Variants in SRRM4 observed in about 807,000 individuals in gnomAD.
SRRM4 encodes serine/arginine repetitive matrix protein 4.
Under a neutral mutation model 68.9 loss-of-function variants are expected in SRRM4, and 33 were observed. The ratio of observed to expected loss-of-function variants is 0.48; its 90% CI spans 0.36 to 0.64. The LOEUF (loss-of-function observed/expected upper bound fraction) is 0.64. Among genes scored for constraint, SRRM4 ranks in the 30% least tolerant of loss-of-function variants. SRRM4 has a pLI of 0.00. For synonymous variants in SRRM4, 318 were observed against 318.8 expected, an observed-to-expected ratio of 1.00 and a Z score of 0.03; for missense variants, 817 against 827.1, an observed-to-expected ratio of 0.99 and a Z score of 0.15.
At chr12:119,038,004 T>C (rs1023214504) in intron 1 of SRRM4, among the ~76,000 whole-genome samples, 2 of 152,090 alleles carry the variant, frequency 1.3e-5, no homozygotes, top group African/African-American at 4.8e-5. Flanking sequence ...ATAATGCTAT[T>C]ATATCTATTT....
At chr12:119,069,633 G>A (rs1481565192) in intron 1 of SRRM4, 1 of 152,102 alleles carries the variant, frequency 6.6e-6, no homozygotes, top group Non-Finnish European at 1.5e-5. Context: ...GAAATTCCTG[G>A]AGCACCCTCA....
intron 1 of SRRM4, among the ~76,000 whole-genome samples, chr12:119,035,193 T>C (rs938034973): frequency 6.6e-6 from 1 of 152,186 alleles, no homozygotes; most frequent in African/African-American, 2.4e-5. Flanking sequence ...TCTTTAACTA[T>C]ATAATTCGTG....
chr12:119,083,430 A>T (rs2136032736), intron 1 of SRRM4, among the ~76,000 whole-genome samples: 1 of 152,070 alleles, frequency 6.6e-6, no homozygotes, highest in East Asian at 1.9e-4. Context: ...TCAACTAATG[A>T]CTGATGGGAG....
intron 4 of SRRM4, 93 bp from the exon 5 acceptor site, chr12:119,120,157 C>T: frequency 1.3e-6 from 1 of 764,824 alleles, no homozygotes; most frequent in Non-Finnish European, 2.1e-6. Context: ...CTCTCCTTCT[C>T]TCCCTCTCTC....
chr12:119,148,053 C>T (rs963241598), intron 9 of SRRM4, among the ~76,000 whole-genome samples: 1 of 152,130 alleles, frequency 6.6e-6, no homozygotes, highest in Non-Finnish European at 1.5e-5. Flanking sequence ...TGCACAGTTG[C>T]GGGATGGGTG....
At chr12:119,064,643 G>C (rs1185524778) in intron 1 of SRRM4, among the ~76,000 whole-genome samples, 1 of 152,114 alleles carries the variant, frequency 6.6e-6, no homozygotes, top group Non-Finnish European at 1.5e-5. Flanking sequence ...TCAAAATGAG[G>C]CTAAGAAAAA....
At chr12:119,009,248 G>A (rs1953434363) in intron 1 of SRRM4, among the ~76,000 whole-genome samples, 1 of 152,098 alleles carries the variant, frequency 6.6e-6, no homozygotes, top group Non-Finnish European at 1.5e-5. Context: ...CAGACCCCGG[G>A]GACTGGACGA....
At chr12:119,139,259 T>C (rs1419172390) in intron 8 of SRRM4, among the ~76,000 whole-genome samples, 3 of 152,156 alleles carry the variant, frequency 2.0e-5, no homozygotes, top group South Asian at 2.1e-4. Context: ...GGCAAGACCA[T>C]GGGAGGCCCC....
intron 1 of SRRM4, among the ~76,000 whole-genome samples, chr12:119,096,585 T>C (rs1954045876): frequency 6.6e-6 from 1 of 152,146 alleles, no homozygotes; most frequent in Non-Finnish European, 1.5e-5. Context: ...AGTCAAAAGG[T>C]GGCAACTCTA....
intron 1 of SRRM4, among the ~76,000 whole-genome samples, chr12:118,986,247 T>C (rs554160190): frequency 5.9e-5 from 9 of 152,280 alleles, no homozygotes; most frequent in Non-Finnish European, 7.4e-5. Flanking sequence ...CAGCCTGTGG[T>C]TAAGAGCCAA....
rs192710016 is a variant in SRRM4, at chr12:118,981,582, G to C, written c.-301G>C. ...CCGACCCCGTCGCCTCTTCTCTCCT[G>C]GTGCTGCCCAGAAAGCCAGCCCTCC... On this transcript the variant is annotated 5_prime_UTR_variant, in exon 1 of 13. Transcript: ENST00000267260. 117 of 333,350 alleles carry C rather than the reference G, an allele frequency of 3.5e-4. No individual in the cohort carries two copies. In the East Asian group the frequency reaches 6.0e-3, roughly 17 times the overall value. The allele number at this position is 333,350 out of a possible 1,614,324, so 20.6% of individuals were successfully genotyped here.
chr12:119,121,754 T>C (rs954065760), intron 5 of SRRM4, among the ~76,000 whole-genome samples: 16 of 152,196 alleles, frequency 1.1e-4, no homozygotes, highest in Non-Finnish European at 1.9e-4. Flanking sequence ...TTCAACAGAG[T>C]GCCTAGACTG....
rs1022880490 is a variant in SRRM4 at position 119,086,196 on chromosome 12, G to A, written c.132-16040G>A. On this transcript the variant is annotated intron_variant, in intron 1 of 12. Transcript: ENST00000267260. The stretch of plus-strand genomic sequence containing the variant: ...GAAAACATCTGGGTCCAGGCTCCAC[G>A]TCCCTCATACACACACACAAAAGGA... Among the ~76,000 whole-genome samples, 119 of 152,060 alleles carry A rather than the reference G, an allele frequency of 7.8e-4. 1 individual carries two copies. The highest frequency in any genetic ancestry group is 4.6e-4 in the Admixed American group (7 of 15,264).
At chr12:119,129,872 AATGGATGGATGGATGGATGGATGG>A (rs112594447) in intron 7 of SRRM4, among the ~76,000 whole-genome samples, 2 of 137,000 alleles carry the variant, frequency 1.5e-5, no homozygotes, top group Admixed American at 1.4e-4. Flanking sequence ...TAGTTGGACA[AATGGATGGATGGATGGATGGATGG>A]ATGGATGGAT....
intron 1 of SRRM4, among the ~76,000 whole-genome samples, chr12:119,075,581 GTGATGATGA>G: frequency 6.9e-6 from 1 of 144,062 alleles, no homozygotes; most frequent in East Asian, 2.2e-4. Flanking sequence ...GGTGATGATG[GTGATGATGA>G]TGATGATGAT....
At chr12:119,111,662 G>A (rs553913418) in intron 2 of SRRM4, among the ~76,000 whole-genome samples, 1 of 152,220 alleles carries the variant, frequency 6.6e-6, no homozygotes, top group South Asian at 2.1e-4. Context: ...TTAACAAGAA[G>A]CTCAATTATT....
chr12:119,140,276 G>T (rs923701491), intron 8 of SRRM4, among the ~76,000 whole-genome samples: 21 of 151,876 alleles, frequency 1.4e-4, no homozygotes, highest in African/African-American at 5.1e-4. Flanking sequence ...TACCTGGAAG[G>T]CTGAAGCAGG....
intron 1 of SRRM4, among the ~76,000 whole-genome samples, chr12:119,070,964 C>A (rs999517121): frequency 5.3e-4 from 80 of 152,142 alleles, no homozygotes; most frequent in African/African-American, 1.8e-3. Flanking sequence ...GGGGAGGTAC[C>A]AGGACTGGCT....
chr12:119,060,410 G>A (rs1049925511), intron 1 of SRRM4, among the ~76,000 whole-genome samples: 9 of 147,954 alleles, frequency 6.1e-5, no homozygotes, highest in South Asian at 2.5e-4. Context: ...CCATGTGAGC[G>A]CTCCCACACA....
Sources: allele counts gnomAD v4.1 joint callset (sites outside exome capture counted in the v4.1 genomes callset), GRCh38; gene constraint gnomAD v4.1.1; transcripts MANE v1.5; gene names NCBI Gene and HGNC (gene_info 2026-07-23, HGNC 2026-07-21).